GANC: variants seen among roughly 807,000 people sequenced by gnomAD.
GANC encodes the protein neutral alpha-glucosidase C.
A neutral mutation model predicts 124.2 loss-of-function variants in GANC; 117 were observed. That is an observed-to-expected ratio of 0.94 (90% CI 0.81 to 1.10). The LOEUF (loss-of-function observed/expected upper bound fraction) is 1.10. Among genes scored for constraint, GANC ranks in the 50% least tolerant of loss-of-function variants. The pLI, the probability that GANC is intolerant of heterozygous loss-of-function variation, is 0.00. For synonymous variants in GANC, 377 were observed against 376.8 expected (o/e 1.00, Z -0.01); for missense variants, 1,140 against 1,095.0 (o/e 1.04, Z -0.58).
At chr15:42,283,750 A>G (rs921945376) in intron 3 of GANC, 3 of 702,396 alleles carry the variant, frequency 4.3e-6, no homozygotes, top group Non-Finnish European at 7.8e-6. Context: ...CCAACCAGCC[A>G]CCTTCTCAGC....
chr15:42,309,322 AT>A lies in GANC; in HGVS notation c.723-946del, dbSNP rs765692224. ...GCACTGTGGAAGCCTGTTGGACACA[AT>A]TTTTTTTTTTTTTTGAGACAGAGTC... On this transcript the variant is annotated intron_variant, in intron 8 of 23. Coordinates refer to ENST00000318010, the MANE Select transcript of GANC (RefSeq NM_198141.3). Among the ~76,000 whole-genome samples the A allele has an allele frequency of 5.9e-3, 846 of 142,656 alleles. 4 individuals are homozygous for A. Among genetic ancestry groups the A allele is most frequent in the African/African-American group, 9.6e-3 (374 of 39,030 alleles). 93.6% of individuals were successfully genotyped at this position (142,656 alleles called of 152,430 possible).
chr15:42,328,505 TC>T (rs778959496), intron 13 of GANC, among the ~76,000 whole-genome samples: 3 of 132,152 alleles, frequency 2.3e-5, no homozygotes, highest in African/African-American at 6.3e-5. Flanking sequence ...AAATAAAGAT[TC>T]AAAAAAAAAA....
rs2052473484 is a variant in GANC at position 42,353,225 on chromosome 15, A to C, written c.*1086A>C. On this transcript the variant is annotated 3_prime_UTR_variant, in exon 24 of 24. Coordinates refer to ENST00000318010, the MANE Select transcript of GANC (RefSeq NM_198141.3). ...CACAGCATCTGTTTTAGCAGCCTCGACTCCTCAGCACTCCTCAGCACACAC... is the reference window on the plus strand; with the variant it reads ...CACAGCATCTGTTTTAGCAGCCTCGCCTCCTCAGCACTCCTCAGCACACAC... The C allele has an allele frequency of 1.0e-6, 1 of 985,234 alleles. No individual in the cohort carries two copies. The highest frequency in any genetic ancestry group is 1.2e-6 in the Non-Finnish European group (1 of 829,788). 61.0% of individuals were successfully genotyped at this position (985,234 alleles called of 1,614,324 possible).
rs1257263539 is a variant in GANC at position 42,321,959 on chromosome 15, A to C, written c.1232A>C (p.Asp411Ala). 1 of 1,614,026 alleles carries C rather than the reference A, an allele frequency of 6.2e-7. No individual in the cohort carries two copies. Among genetic ancestry groups the C allele is most frequent in the Non-Finnish European group, 8.5e-7 (1 of 1,180,022 alleles). ...HTEGKRYFTWDKNRFPNPKRM... is the reference protein window; with the variant it reads ...HTEGKRYFTWAKNRFPNPKRM... ...GAGGGCAAGAGGTACTTCACCTGGGACAAAAACAGATTCCCAAACCCCAAG... is the reference window on the plus strand; with the variant it reads ...GAGGGCAAGAGGTACTTCACCTGGGCCAAAAACAGATTCCCAAACCCCAAG... Residue 411 changes from aspartate (D) to alanine (A), a missense_variant, in exon 11 of 24, where the codon GAC becomes GCC. By Grantham distance (126) the Asp-to-Ala change is moderately radical. Coordinates refer to ENST00000318010, the MANE Select transcript of GANC (RefSeq NM_198141.3).
chr15:42,284,254 T>C (rs2051763965), intron 3 of GANC: 9 of 521,958 alleles, frequency 1.7e-5, no homozygotes, highest in Non-Finnish European at 1.7e-5. Flanking sequence ...CTTTACTAAT[T>C]GTGATTCCCA....
chr15:42,333,616 G>GT (rs2052263010), intron 15 of GANC, among the ~76,000 whole-genome samples: 1 of 152,116 alleles, frequency 6.6e-6, no homozygotes. Context: ...TAATAACTGT[G>GT]TAACTCTGGG....
chr15:42,288,236 A>G (rs367928386), intron 4 of GANC, among the ~76,000 whole-genome samples: 5 of 152,184 alleles, frequency 3.3e-5, no homozygotes, highest in Admixed American at 2.0e-4. Flanking sequence ...CCATACTTAC[A>G]GTAATTTATA....
At chr15:42,280,806 C>A in intron 3 of GANC, 1 of 615,136 alleles carries the variant, frequency 1.6e-6, no homozygotes, top group South Asian at 1.9e-5. Context: ...TGAAAATTCT[C>A]AACACAGCGT....
At chr15:42,348,387 C>A (rs1337557697) in intron 21 of GANC, among the ~76,000 whole-genome samples, 171 bp downstream of exon 21, 1 of 152,176 alleles carries the variant, frequency 6.6e-6, no homozygotes, top group Admixed American at 6.5e-5. Context: ...TGGAATTGTT[C>A]TTAAGGGAAC....
At chr15:42,308,704 C>T (rs1025676308) in intron 8 of GANC, among the ~76,000 whole-genome samples, 30 of 152,178 alleles carry the variant, frequency 2.0e-4, no homozygotes, top group Admixed American at 1.2e-3. Context: ...CCAGGCTGGT[C>T]TTGAACTCCT....
intron 3 of GANC, among the ~76,000 whole-genome samples, chr15:42,285,821 G>A (rs2051781760): frequency 6.6e-6 from 1 of 151,980 alleles, no homozygotes; most frequent in East Asian, 1.9e-4. Flanking sequence ...AAGAAAGAAT[G>A]ACTGTAAATA....
intron 3 of GANC, among the ~76,000 whole-genome samples, chr15:42,280,376 A>G (rs1334777697): frequency 2.6e-5 from 4 of 152,054 alleles, no homozygotes; most frequent in Admixed American, 2.0e-4. Context: ...ATCCTTTTGT[A>G]GCCTAGTTTG....
At chr15:42,286,034 C>T (rs1428207351) in intron 3 of GANC, among the ~76,000 whole-genome samples, 5 of 150,612 alleles carry the variant, frequency 3.3e-5, no homozygotes, top group African/African-American at 1.2e-4. Context: ...GTAGAGAAAG[C>T]TGTTTTACTA....
At chr15:42,287,638 T>C (rs2051803159) in intron 3 of GANC, 53 bp from the exon 4 acceptor site, 1 of 1,569,286 alleles carries the variant, frequency 6.4e-7, no homozygotes. Context: ...TGGTGCAAAA[T>C]TGGCCATCAC....
chr15:42,282,900 T>C (rs948932219), intron 3 of GANC, among the ~76,000 whole-genome samples: 4 of 152,316 alleles, frequency 2.6e-5, no homozygotes, highest in Admixed American at 1.3e-4. Context: ...ATGGCTGCCT[T>C]CTTCTTGTGC....
rs758521589 is a variant in GANC at position 42,274,465 on chromosome 15, G to C, written c.-17G>C. The C allele has an allele frequency of 6.2e-7, 1 of 1,609,814 alleles. No individual in the cohort carries two copies. The highest frequency in any genetic ancestry group is 8.5e-7 in the Non-Finnish European group (1 of 1,178,240). On this transcript the variant is annotated 5_prime_UTR_variant, in exon 1 of 24. Coordinates refer to ENST00000318010, the MANE Select transcript of GANC (RefSeq NM_198141.3). The stretch of plus-strand genomic sequence containing the variant: ...TTGTCCTGAGAGCTGGGAGCTGGTC[G>C]GAGTGACAGAGAAGCCATGGAAGCA...
intron 10 of GANC, among the ~76,000 whole-genome samples, chr15:42,315,419 A>G (rs2052093484): frequency 6.6e-6 from 1 of 152,246 alleles, no homozygotes. Flanking sequence ...TCATTAGGAA[A>G]ATGCAAATCA....
Position 42,287,837 on chromosome 15 carries a change from T to C in GANC, c.329+19T>C. Reference sequence around the variant, plus strand: ...CTGTAAGGTAAGCCAAGGAGCGAGGTATTTTAGAGACACGCTTGATATATT... The same window carrying C: ...CTGTAAGGTAAGCCAAGGAGCGAGGCATTTTAGAGACACGCTTGATATATT... On this transcript the variant is annotated intron_variant, in intron 4 of 23. Coordinates refer to ENST00000318010, the MANE Select transcript of GANC (RefSeq NM_198141.3). 1 of 1,595,728 alleles carries C rather than the reference T, an allele frequency of 6.3e-7. No homozygotes were observed. Among genetic ancestry groups the C allele is most frequent in the Non-Finnish European group, 8.5e-7 (1 of 1,175,074 alleles).
chr15:42,306,208 G>A (rs2051993945), intron 6 of GANC, among the ~76,000 whole-genome samples: 1 of 152,028 alleles, frequency 6.6e-6, no homozygotes, highest in African/African-American at 2.4e-5. Flanking sequence ...TGTATTTTTA[G>A]TAGTTCAATA....
Sources: gnomAD v4.1 joint callset for allele counts (sites outside exome capture counted in the v4.1 genomes callset) on GRCh38, gnomAD v4.1.1 for gene constraint, MANE v1.5 for transcripts, NCBI Gene and HGNC (gene_info 2026-07-23, HGNC 2026-07-21) for gene names.